SHANK2: variants seen among roughly 807,000 people sequenced by gnomAD.
The protein encoded by SHANK2 is SH3 and multiple ankyrin repeat domains protein 2.
SHANK2 carries 43 observed loss-of-function variants against 133.7 expected under a neutral mutation model. The observed-to-expected ratio is 0.32, with a 90% CI of 0.25 to 0.41. The LOEUF is 0.41. SHANK2 is among the 10% of genes least tolerant of loss of function. The pLI, the probability that SHANK2 is intolerant of heterozygous loss-of-function variation, is 1.00. For synonymous variants in SHANK2, 1,017 were observed against 952.8 expected (o/e 1.07, Z -1.24); for missense variants, 1,994 against 2,235.8 (o/e 0.89, Z 2.18).
At chr11:71,202,247 T>G (rs1173378383) in intron 2 of SHANK2, among the ~76,000 whole-genome samples, 1 of 152,140 alleles carries the variant, frequency 6.6e-6, no homozygotes, top group African/African-American at 2.4e-5. Context: ...GGCCACTGGT[T>G]CCCCAGCCCC....
chr11:70,699,387 G>A (rs568448683), intron 14 of SHANK2, among the ~76,000 whole-genome samples: 1 of 152,094 alleles, frequency 6.6e-6, no homozygotes, highest in Non-Finnish European at 1.5e-5. Context: ...GGATAGCTCA[G>A]TGCTGGAGGG....
chr11:71,199,208 C>T (rs1482912831), intron 2 of SHANK2, among the ~76,000 whole-genome samples: 2 of 152,196 alleles, frequency 1.3e-5, no homozygotes, highest in Non-Finnish European at 2.9e-5. Flanking sequence ...AGAAAGTCAC[C>T]AGACCTCTCT....
At chr11:70,643,512 T>C (rs540742971) in intron 17 of SHANK2, among the ~76,000 whole-genome samples, 3 of 141,006 alleles carry the variant, frequency 2.1e-5, no homozygotes, top group Non-Finnish European at 4.5e-5. Flanking sequence ...TGCAGTGAGC[T>C]GAGATCACGC....
rs114616192 is a variant in SHANK2, at chr11:71,195,849, T to C, written c.-13+28848A>G. Among the ~76,000 whole-genome samples, 448 of 152,264 alleles carry C rather than the reference T, an allele frequency of 2.9e-3. 2 individuals carry two copies. The highest frequency in any genetic ancestry group is 0.01 in the African/African-American group (427 of 41,534). On this transcript the variant is annotated intron_variant, in intron 2 of 25. Coordinates refer to ENST00000601538, the MANE Select transcript of SHANK2 (RefSeq NM_012309.5). ...TTGAGGAACAAGAAAGGACCTGGTG[T>C]TGGTACCTGCCTGCCATAGAGGAGA...
At chr11:70,536,688 G>A (rs149433618) in intron 17 of SHANK2, among the ~76,000 whole-genome samples, 6 of 152,354 alleles carry the variant, frequency 3.9e-5, no homozygotes, top group African/African-American at 1.4e-4. Flanking sequence ...TTGAGCCAAT[G>A]TCTTGGACAT....
In SHANK2 at chr11:71,161,260, C is replaced by A. The variant is rs555456334; in HGVS notation, c.-12-13922G>T. Reference sequence around the variant, plus strand: ...AAATTCCAACCTGACTCTAGTATAGCATCACATGATAGACAGCAGGTCCTG... The same window carrying A: ...AAATTCCAACCTGACTCTAGTATAGAATCACATGATAGACAGCAGGTCCTG... On this transcript the variant is annotated intron_variant, in intron 2 of 25. Transcript: ENST00000601538. Among the ~76,000 whole-genome samples, 10 of 152,352 alleles carry A rather than the reference C, an allele frequency of 6.6e-5. No homozygotes were observed. In the South Asian group the frequency reaches 1.2e-3, roughly 19 times the overall value.
chr11:70,584,941 G>A (rs569315633), intron 17 of SHANK2, among the ~76,000 whole-genome samples: 2 of 152,324 alleles, frequency 1.3e-5, no homozygotes, highest in South Asian at 2.1e-4. Context: ...GTGCTGGCAC[G>A]GTCTGGTGCA....
rs568509204 is a variant in SHANK2, at chr11:70,674,542, T to A, written c.1854-12864A>T. Among the ~76,000 whole-genome samples the A allele has an allele frequency of 2.0e-4, 31 of 152,318 alleles. 1 individual carries two copies. Among genetic ancestry groups the A allele is most frequent in the Admixed American group, 1.8e-3 (27 of 15,312 alleles). ...TTTTGTATTTTTAGTACAGACGGGG[T>A]TTTGCCATGTTGGCCAGGCTGGTCT... On this transcript the variant is annotated intron_variant, in intron 15 of 25. Coordinates refer to ENST00000601538, the MANE Select transcript of SHANK2 (RefSeq NM_012309.5).
At chr11:70,543,111 A>G (rs991784935) in intron 17 of SHANK2, among the ~76,000 whole-genome samples, 3 of 152,036 alleles carry the variant, frequency 2.0e-5, no homozygotes, top group Non-Finnish European at 4.4e-5. Flanking sequence ...CTTTTCATGG[A>G]ACTGGAACTG....
chr11:70,682,128 C>A (rs1945042856), intron 15 of SHANK2, among the ~76,000 whole-genome samples: 1 of 152,166 alleles, frequency 6.6e-6, no homozygotes. Context: ...CAGGACTGAT[C>A]CGACAGAAAC....
intron 11 of SHANK2, chr11:70,863,695 ACCCCGTTT>A: frequency 4.8e-6 from 2 of 420,988 alleles, no homozygotes; most frequent in Non-Finnish European, 9.6e-6. Context: ...AGGCACTGGC[ACCCCGTTT>A]CGGCCTCTTT....
intron 14 of SHANK2, among the ~76,000 whole-genome samples, chr11:70,785,388 C>A (rs1423726712): frequency 1.3e-5 from 2 of 152,198 alleles, no homozygotes; most frequent in Non-Finnish European, 2.9e-5. Flanking sequence ...CAGATGCCCC[C>A]CAAAGCTCTC....
chr11:71,132,849 A>G (rs192160904), intron 3 of SHANK2, among the ~76,000 whole-genome samples: 67 of 152,276 alleles, frequency 4.4e-4, no homozygotes, highest in Non-Finnish European at 7.8e-4. Context: ...TTTCTTGACT[A>G]AAATAGTCAA....
intron 14 of SHANK2, among the ~76,000 whole-genome samples, chr11:70,768,739 C>T (rs1555041973): frequency 6.6e-6 from 1 of 152,128 alleles, no homozygotes; most frequent in Non-Finnish European, 1.5e-5. Context: ...CCATGGGGAG[C>T]CTGGAGATGG....
rs1194159116 is a variant in SHANK2 at position 70,471,049 on chromosome 11, AG to A, written c.*1819del. 2 of 373,644 alleles carry A rather than the reference AG, an allele frequency of 5.4e-6. No homozygotes were observed. Among genetic ancestry groups the A allele is most frequent in the Non-Finnish European group, 9.5e-6 (2 of 211,358 alleles). 23.1% of individuals were successfully genotyped at this position (373,644 alleles called of 1,614,324 possible). A position where few individuals can be genotyped will look rare whatever the true frequency, so the allele number is the denominator to read the frequency against. On this transcript the variant is annotated 3_prime_UTR_variant, in exon 26 of 26. Coordinates refer to ENST00000601538, the MANE Select transcript of SHANK2 (RefSeq NM_012309.5). The surrounding 1 kb of genome is among the most constrained non-coding windows in gnomAD (Gnocchi z 4.1). ...ACTTTTATAATTATTCCACAGAAAT[AG>A]TATTATTAAATCACAAAAGTTTTTT...
intron 1 of SHANK2, among the ~76,000 whole-genome samples, chr11:71,232,778 G>A (rs1954766153): frequency 6.6e-6 from 1 of 152,130 alleles, no homozygotes; most frequent in Non-Finnish European, 1.5e-5. Flanking sequence ...ACGATTTCCA[G>A]TAAATAGTAG....
chr11:70,793,930 G>C (rs768502409), intron 14 of SHANK2, among the ~76,000 whole-genome samples: 1 of 152,176 alleles, frequency 6.6e-6, no homozygotes, highest in Non-Finnish European at 1.5e-5. Context: ...CCATCATCAG[G>C]AGAATGATCA....
intron 3 of SHANK2, among the ~76,000 whole-genome samples, chr11:71,126,216 C>CAAAAAAAAAAAAAAAA (rs1170621448): frequency 1.6e-5 from 1 of 64,438 alleles, no homozygotes. Flanking sequence ...GACTCCGTCT[C>CAAAAAAAAAAAAAAAA]AAAAAAAAAA....
intron 15 of SHANK2, among the ~76,000 whole-genome samples, chr11:70,675,843 G>A (rs782706234): frequency 3.3e-5 from 5 of 152,184 alleles, no homozygotes; most frequent in African/African-American, 1.2e-4. Context: ...GCAAAGCAAG[G>A]CCCCACACCT....
Sources: allele counts gnomAD v4.1 joint callset (sites outside exome capture counted in the v4.1 genomes callset), GRCh38; gene constraint gnomAD v4.1.1; non-coding constraint Gnocchi (gnomAD v3.1); transcripts MANE v1.5; gene names NCBI Gene and HGNC (gene_info 2026-07-23, HGNC 2026-07-21).